The following MEGF10 variants were observed in gnomAD, a reference collection of about 807,000 sequenced individuals.
MEGF10 encodes the protein multiple EGF like domains 10, also known as multiple epidermal growth factor-like domains protein 10.
MEGF10 carries 86 observed loss-of-function variants against 147.5 expected under a neutral mutation model. The observed-to-expected ratio is 0.58, with a 90% CI of 0.49 to 0.70. The LOEUF is 0.70. Among genes scored for constraint, MEGF10 ranks in the 30% least tolerant of loss-of-function variants. The pLI is 0.00. For synonymous variants in MEGF10, 478 were observed against 525.5 expected (o/e 0.91, Z 1.24); for missense variants, 1,329 against 1,487.3 (o/e 0.89, Z 1.75).
rs2032834 is a variant in MEGF10, at chr5:127,290,953, G to A, written c.-122G>A. The A allele has an allele frequency of 0.39, 58,609 of 152,188 alleles. 11,823 individuals carry two copies. Among genetic ancestry groups the A allele is most frequent in the Middle Eastern group, 0.53 (157 of 294 alleles). 9.4% of individuals were successfully genotyped at this position (152,188 alleles called of 1,614,324 possible). A position where few individuals can be genotyped will look rare whatever the true frequency, so the allele number is the denominator to read the frequency against. On this transcript the variant is annotated 5_prime_UTR_variant, in exon 1 of 25. Transcript: ENST00000503335. ...TTGCTTTCTTCTGGGACGCTGCTTG[G>A]ACGCTAACCGCGTTGATTGGAACAG...
the MEGF10 span, among the ~76,000 whole-genome samples, chr5:127,251,821 C>A: frequency 6.6e-6 from 1 of 151,832 alleles, no homozygotes; most frequent in Non-Finnish European, 1.5e-5. Context: ...TAAAAGGAAA[C>A]TTCTGCATGC....
At chr5:127,264,229 G>A in the MEGF10 span, among the ~76,000 whole-genome samples, 1,972 of 152,082 alleles carry the variant, frequency 0.013, 31 homozygotes, top group African/African-American at 0.043. Context: ...AATTCAAAAA[G>A]GAAACTAGCA....
intron 4 of MEGF10, among the ~76,000 whole-genome samples, chr5:127,351,955 C>A (rs988181671): frequency 2.6e-5 from 4 of 152,166 alleles, no homozygotes; most frequent in African/African-American, 7.2e-5. Flanking sequence ...GAGAAAGAGG[C>A]AAATGGCAAT....
intron 13 of MEGF10, among the ~76,000 whole-genome samples, chr5:127,429,115 A>G (rs1490707063): frequency 6.6e-6 from 1 of 151,788 alleles, no homozygotes; most frequent in Non-Finnish European, 1.5e-5. Context: ...ATTTAAACCT[A>G]CCCCCTTCCC....
chr5:127,428,141 A>ATTTTTTTT (rs66935934), intron 13 of MEGF10, among the ~76,000 whole-genome samples: 78 of 103,562 alleles, frequency 7.5e-4, no homozygotes, highest in African/African-American at 9.1e-4. Context: ...GGTGTCTGGT[A>ATTTTTTTT]TTTTTTTTTT....
At chr5:127,424,466 G>A in intron 13 of MEGF10, 1 of 1,316,162 alleles carries the variant, frequency 7.6e-7, no homozygotes, top group Non-Finnish European at 1.0e-6. Flanking sequence ...GGGGAATACT[G>A]TCCACTTAAC....
the MEGF10 span, among the ~76,000 whole-genome samples, chr5:127,276,990 G>T: frequency 3.3e-5 from 5 of 152,182 alleles, no homozygotes; most frequent in Non-Finnish European, 2.9e-5. Context: ...AGAGGGAACT[G>T]CAAGGGCTCT....
chr5:127,266,951 A>T, the MEGF10 span, among the ~76,000 whole-genome samples: 1 of 152,188 alleles, frequency 6.6e-6, no homozygotes, highest in Non-Finnish European at 1.5e-5. Flanking sequence ...AGAACTTCCA[A>T]CACTATGTTG....
intron 7 of MEGF10, among the ~76,000 whole-genome samples, chr5:127,402,300 C>T (rs1764162583): frequency 6.6e-6 from 1 of 152,196 alleles, no homozygotes; most frequent in Admixed American, 6.5e-5. Context: ...TTTTGCTTAA[C>T]ATTACTATTC....
At chr5:127,456,679 C>T (rs1766373122) in intron 24 of MEGF10, among the ~76,000 whole-genome samples, 1 of 152,192 alleles carries the variant, frequency 6.6e-6, no homozygotes, top group East Asian at 1.9e-4. Flanking sequence ...AACTGTCCCA[C>T]AAACCTGCCA....
At chr5:127,404,354 G>A (rs1255904997) in intron 8 of MEGF10, among the ~76,000 whole-genome samples, 3 of 146,934 alleles carry the variant, frequency 2.0e-5, no homozygotes, top group Admixed American at 2.0e-4. Context: ...CCTTATATAT[G>A]CTGGTCATTA....
At chr5:127,327,023 C>G (rs532567248) in intron 1 of MEGF10, among the ~76,000 whole-genome samples, 16 of 152,304 alleles carry the variant, frequency 1.1e-4, no homozygotes, top group African/African-American at 2.9e-4. Context: ...ATCATCAGAA[C>G]TAAGACTCAT....
chr5:127,416,156 T>C (rs951275808), intron 9 of MEGF10, among the ~76,000 whole-genome samples: 2 of 151,912 alleles, frequency 1.3e-5, no homozygotes, highest in African/African-American at 2.4e-5. Flanking sequence ...GCCTCCTGAG[T>C]AGCTGGGACT....
At chr5:127,348,306 G>A (rs1377922479) in intron 4 of MEGF10, among the ~76,000 whole-genome samples, 1 of 152,080 alleles carries the variant, frequency 6.6e-6, no homozygotes, top group Non-Finnish European at 1.5e-5. Flanking sequence ...CAGCAGAAGA[G>A]TGTCCCTGAA....
intron 14 of MEGF10, 128 bp downstream of exon 14, chr5:127,433,637 A>G (rs1213596653): frequency 2.6e-6 from 3 of 1,141,602 alleles, no homozygotes; most frequent in Admixed American, 2.7e-5. Flanking sequence ...AAGAGAGTGT[A>G]ATGGTTCACT....
chr5:127,290,313 C>T (rs1021276577), upstream of MEGF10, among the ~76,000 whole-genome samples: 3 of 152,140 alleles, frequency 2.0e-5, no homozygotes, highest in East Asian at 1.9e-4. Flanking sequence ...AATCACCATC[C>T]TTTCTGGGTC....
intron 1 of MEGF10, among the ~76,000 whole-genome samples, chr5:127,315,035 G>A (rs1760463491): frequency 6.6e-6 from 1 of 152,048 alleles, no homozygotes; most frequent in South Asian, 2.1e-4. Context: ...AGCTGAGGGA[G>A]AGAATTTATA....
intron 13 of MEGF10, among the ~76,000 whole-genome samples, chr5:127,430,921 A>G (rs940977497): frequency 6.6e-6 from 1 of 152,254 alleles, no homozygotes; most frequent in Non-Finnish European, 1.5e-5. Flanking sequence ...ATTTATATTC[A>G]AAGGAAACAT....
intron 9 of MEGF10, among the ~76,000 whole-genome samples, chr5:127,415,253 C>A (rs948380811): frequency 2.0e-5 from 3 of 152,076 alleles, no homozygotes; most frequent in African/African-American, 7.2e-5. Context: ...CTGGTTTAGG[C>A]CTGTTGTCCT....
Sources: gnomAD v4.1 joint callset for allele counts (sites outside exome capture counted in the v4.1 genomes callset) on GRCh38, gnomAD v4.1.1 for gene constraint, MANE v1.5 for transcripts, NCBI Gene and HGNC (gene_info 2026-07-23, HGNC 2026-07-21) for gene names.